Variants in QTGAL observed in about 807,000 individuals in gnomAD.
The protein encoded by QTGAL is BGnT-like protein 1.
At chr17:83,036,444 T>C in the QTGAL span, among the ~76,000 whole-genome samples, 2 of 152,356 alleles carry the variant, frequency 1.3e-5, no homozygotes, top group East Asian at 3.9e-4. Context: ...ACATGGTGTG[T>C]GCAGCTTATG....
chr17:82,945,208 A>G, the QTGAL span: 1 of 152,262 alleles, frequency 6.6e-6, no homozygotes, highest in East Asian at 1.9e-4. Context: ...ACAGCTGAAG[A>G]GAGAATTAGA....
the QTGAL span, among the ~76,000 whole-genome samples, chr17:83,046,277 A>G: frequency 6.6e-6 from 1 of 151,406 alleles, no homozygotes; most frequent in Non-Finnish European, 1.5e-5. Flanking sequence ...TTACAGGTGC[A>G]TGCCACCACA....
the QTGAL span, among the ~76,000 whole-genome samples, chr17:82,992,421 C>T: frequency 1.4e-4 from 21 of 152,180 alleles, no homozygotes; most frequent in African/African-American, 2.2e-4. Context: ...ACATATGTAA[C>T]GTGCTGAAGG....
the QTGAL span, among the ~76,000 whole-genome samples, chr17:82,983,286 T>C: frequency 6.6e-6 from 1 of 152,176 alleles, no homozygotes; most frequent in Admixed American, 6.5e-5. Context: ...TCTCAAAATA[T>C]ATATATGTTT....
the QTGAL span, among the ~76,000 whole-genome samples, chr17:83,030,216 T>C: frequency 1.3e-5 from 2 of 152,204 alleles, no homozygotes; most frequent in Non-Finnish European, 2.9e-5. Context: ...GGGTTTTATA[T>C]TCAAACCTTA....
the QTGAL span, chr17:83,005,987 G>A: frequency 3.6e-6 from 4 of 1,099,382 alleles, no homozygotes; most frequent in Non-Finnish European, 4.4e-6. The surrounding 1 kb of genome is among the most constrained non-coding windows in gnomAD (Gnocchi z 5.6). Context: ...TCACCTTGCA[G>A]TGGGAGGAGC....
the QTGAL span, among the ~76,000 whole-genome samples, chr17:83,035,837 G>A: frequency 1.1e-4 from 17 of 149,428 alleles, no homozygotes; most frequent in Non-Finnish European, 2.2e-4. Flanking sequence ...GGCTGGTGGA[G>A]GTCACTGAGG....
chr17:82,948,868 T>C, the QTGAL span: 2 of 152,240 alleles, frequency 1.3e-5, no homozygotes. Context: ...GGGACAATGT[T>C]GTTTTTTAAA....
At chr17:83,044,756 CA>C in the QTGAL span, among the ~76,000 whole-genome samples, 1 of 152,156 alleles carries the variant, frequency 6.6e-6, no homozygotes, top group Non-Finnish European at 1.5e-5. Context: ...CCAGCCTGGC[CA>C]ACATGGCGAA....
the QTGAL span, chr17:83,006,415 C>T: frequency 1.0e-6 from 1 of 985,132 alleles, no homozygotes; most frequent in African/African-American, 1.7e-5. This position sits in a 1 kb window ranked among gnomAD's most constrained non-coding sequence, Gnocchi z 5.8. Context: ...TGTGAATTCA[C>T]ATTGCAGCTG....
chr17:82,997,521 A>G, the QTGAL span, among the ~76,000 whole-genome samples: 1 of 152,206 alleles, frequency 6.6e-6, no homozygotes, highest in African/African-American at 2.4e-5. Context: ...TGATCCAGCA[A>G]TCCCTCTCCT....
At chr17:82,973,452 G>C in the QTGAL span, among the ~76,000 whole-genome samples, 1 of 152,192 alleles carries the variant, frequency 6.6e-6, no homozygotes, top group Non-Finnish European at 1.5e-5. Flanking sequence ...CGGTTTTCAC[G>C]GTCTTCCCGG....
chr17:82,942,322 G>A, the QTGAL span: 19 of 1,387,514 alleles, frequency 1.4e-5, no homozygotes, highest in East Asian at 1.2e-4. Context: ...TGTGGGAAAC[G>A]GCACAAATGG....
chr17:83,006,039 C>T, the QTGAL span: 14 of 1,024,188 alleles, frequency 1.4e-5, no homozygotes, highest in Non-Finnish European at 1.5e-5. The surrounding 1 kb of genome is among the most constrained non-coding windows in gnomAD (Gnocchi z 5.8). Flanking sequence ...TAGGAAACAG[C>T]ACCCACCCCA....
chr17:82,957,041 G>C, the QTGAL span: 1 of 1,240,098 alleles, frequency 8.1e-7, no homozygotes, highest in African/African-American at 1.5e-5. Context: ...CCCCAAGAAT[G>C]GGGGCTGGGC....
the QTGAL span, among the ~76,000 whole-genome samples, chr17:83,028,174 G>A: frequency 6.6e-6 from 1 of 152,002 alleles, no homozygotes; most frequent in African/African-American, 2.4e-5. Context: ...AAGGTAAGAG[G>A]TGAGATATGG....
the QTGAL span, among the ~76,000 whole-genome samples, chr17:83,048,000 TTTCC>T: frequency 6.0e-5 from 9 of 150,266 alleles, no homozygotes; most frequent in African/African-American, 1.7e-4. Flanking sequence ...TTCTTCCTTC[TTTCC>T]TTCCTTCCTT....
chr17:82,971,108 C>T, the QTGAL span, among the ~76,000 whole-genome samples: 1 of 152,188 alleles, frequency 6.6e-6, no homozygotes, highest in Non-Finnish European at 1.5e-5. Context: ...CAGCACCTCC[C>T]ACACAGCCAC....
the QTGAL span, chr17:82,956,724 G>T: frequency 5.8e-3 from 9,235 of 1,589,534 alleles, 431 homozygotes; most frequent in African/African-American, 0.1. This position sits in a 1 kb window ranked among gnomAD's most constrained non-coding sequence, Gnocchi z 5.7. Flanking sequence ...AAGGGTGGCC[G>T]GGCGGCTCGG....
Sources: allele counts gnomAD v4.1 joint callset (sites outside exome capture counted in the v4.1 genomes callset), GRCh38; gene constraint gnomAD v4.1.1; non-coding constraint Gnocchi (gnomAD v3.1); transcripts MANE v1.5; gene names NCBI Gene and HGNC (gene_info 2026-07-23, HGNC 2026-07-21).